SNX25: variants seen among roughly 807,000 people sequenced by gnomAD.
The protein encoded by SNX25 is sorting nexin 25.
In SNX25, 62 loss-of-function variants were observed where a neutral mutation model predicts 113.7. The ratio of observed to expected loss-of-function variants is 0.55; its 90% CI spans 0.44 to 0.67. SNX25 has a LOEUF of 0.67. Among genes scored for constraint, SNX25 ranks in the 30% least tolerant of loss-of-function variants. The pLI, the probability that SNX25 is intolerant of heterozygous loss-of-function variation, is 0.00. For missense variants in SNX25, 1,014 were observed against 1,161.0 expected, an observed-to-expected ratio of 0.87 and a Z score of 1.84; for synonymous variants, 421 against 436.2, an observed-to-expected ratio of 0.97 and a Z score of 0.43.
downstream of SNX25, among the ~76,000 whole-genome samples, chr4:185,371,691 G>A (rs1320133224): frequency 2.6e-5 from 4 of 152,148 alleles, no homozygotes; most frequent in Non-Finnish European, 4.4e-5. Context: ...ATAAGGGAAA[G>A]CGCCGAAGAT....
intron 2 of SNX25, among the ~76,000 whole-genome samples, chr4:185,258,436 A>G (rs1329966110): frequency 5.9e-5 from 9 of 152,218 alleles, no homozygotes. Context: ...GCGGGCAAAG[A>G]AACTGACGGT....
chr4:185,285,478 G>A (rs780040642), intron 5 of SNX25, among the ~76,000 whole-genome samples: 1 of 152,132 alleles, frequency 6.6e-6, no homozygotes, highest in Non-Finnish European at 1.5e-5. Context: ...TTGGGCTTTG[G>A]GTTTTCATTT....
upstream of SNX25, chr4:185,209,184 T>C (rs1293220713): frequency 6.6e-6 from 1 of 152,128 alleles, no homozygotes; most frequent in Non-Finnish European, 1.5e-5. This position sits in a 1 kb window ranked among gnomAD's most constrained non-coding sequence, Gnocchi z 5.2. Flanking sequence ...GGAAGGTCGT[T>C]AGAAACTGTG....
In SNX25 at chr4:185,369,166, T is replaced by G. The variant is rs1279184861; in HGVS notation, c.*1005-584T>G. Among the ~76,000 whole-genome samples the G allele has an allele frequency of 3.3e-5, 5 of 151,632 alleles. No individual in the cohort carries two copies. The South Asian group carries it at 8.3e-4, about 25-fold the overall frequency. On this transcript the variant is annotated intron_variant and NMD_transcript_variant, in intron 11 of 11. Transcript: ENST00000504959. The stretch of plus-strand genomic sequence containing the variant: ...ATATTTGACTAGAGTTTTCTAAGGA[T>G]ATTAAGGATAGGATAGAACCTGAAA...
In SNX25 at chr4:185,334,692, G is replaced by C. The variant is rs182711041; in HGVS notation, c.1914+1933G>C. On this transcript the variant is annotated intron_variant, in intron 10 of 18. Coordinates refer to ENST00000652585, the MANE Select transcript of SNX25 (RefSeq NM_001378034.2). This position sits in a 1 kb window ranked among gnomAD's most constrained non-coding sequence, Gnocchi z 4.2. ...ATATTCATTGAATTATTTTCTGCTT[G>C]GTTTGTTTGAAAGACATTATTCAGC... Among the ~76,000 whole-genome samples, 174 of 152,276 alleles carry C rather than the reference G, an allele frequency of 1.1e-3. No individual in the cohort carries two copies. Among genetic ancestry groups the C allele is most frequent in the African/African-American group, 4.2e-3 (173 of 41,550 alleles).
At chr4:185,256,624 CTTT>C (rs35160292) in intron 2 of SNX25, among the ~76,000 whole-genome samples, 8 of 112,570 alleles carry the variant, frequency 7.1e-5, no homozygotes, top group East Asian at 3.0e-4. Context: ...ACCTAAATTT[CTTT>C]TTTTTTTTTT....
chr4:185,366,653 C>T (rs149159741), downstream of SNX25: 28 of 152,186 alleles, frequency 1.8e-4, no homozygotes, highest in African/African-American at 6.5e-4. Flanking sequence ...CTTTAAATGT[C>T]TTTTACCCTT....
rs181047073 is a variant in SNX25, at chr4:185,342,784, G to A, written c.2187+668G>A. ...ATATACAAGGGAGGCAGTAAGGTGCGGTGCTTGGAGCACAGCCTCTAGAAC... is the reference window on the plus strand; with the variant it reads ...ATATACAAGGGAGGCAGTAAGGTGCAGTGCTTGGAGCACAGCCTCTAGAAC... On this transcript the variant is annotated intron_variant, in intron 12 of 18. Coordinates refer to ENST00000652585, the MANE Select transcript of SNX25 (RefSeq NM_001378034.2). Among the ~76,000 whole-genome samples the A allele has an allele frequency of 1.8e-4, 28 of 152,270 alleles. 1 individual carries two copies. The highest frequency in any genetic ancestry group is 2.0e-4 in the Admixed American group (3 of 15,296).
At chr4:185,351,630 A>G in intron 14 of SNX25, 21 bp downstream of exon 14, 1 of 1,610,648 alleles carries the variant, frequency 6.2e-7, no homozygotes, top group African/African-American at 1.3e-5. Flanking sequence ...GAAAGAGTGA[A>G]CCACTTTTGT....
intron 5 of SNX25, among the ~76,000 whole-genome samples, chr4:185,287,240 C>T (rs562086689): frequency 6.6e-6 from 1 of 152,282 alleles, no homozygotes; most frequent in East Asian, 1.9e-4. Context: ...TTTTTCCTGA[C>T]TTGGAGGTCT....
intron 1 of SNX25, among the ~76,000 whole-genome samples, chr4:185,245,373 G>C (rs1744710304): frequency 6.6e-6 from 1 of 151,218 alleles, no homozygotes; most frequent in Non-Finnish European, 1.5e-5. Flanking sequence ...ACAGAGTCTT[G>C]CTCTCTCAGG....
At chr4:185,218,093 A>G (rs1032069405) in intron 1 of SNX25, among the ~76,000 whole-genome samples, 3 of 151,908 alleles carry the variant, frequency 2.0e-5, no homozygotes, top group Non-Finnish European at 2.9e-5. Flanking sequence ...GTGTGCTTCT[A>G]TAGTTTTTTG....
intron 15 of SNX25, among the ~76,000 whole-genome samples, chr4:185,355,715 T>C (rs1450147129): frequency 3.3e-5 from 5 of 152,252 alleles, no homozygotes; most frequent in East Asian, 1.9e-4. Flanking sequence ...TTAAGACATA[T>C]ACAGTGATGT....
intron 6 of SNX25, among the ~76,000 whole-genome samples, chr4:185,297,341 A>G (rs1752977692): frequency 6.6e-6 from 1 of 152,180 alleles, no homozygotes; most frequent in Non-Finnish European, 1.5e-5. Context: ...GTTGGGTAGC[A>G]CTGCCCTACT....
Position 185,362,686 on chromosome 4 carries a change from C to T in SNX25, c.2909C>T (p.Thr970Ile). 1.9e-6 allele frequency: 3 copies of T among 1,614,062 alleles called. No individual in the cohort carries two copies. The highest frequency in any genetic ancestry group is 2.5e-6 in the Non-Finnish European group (3 of 1,179,974). ...IIKIFNALQE[T>I]RANKHLLYAL... is the part of the protein sequence containing the mutation. Reference sequence around the variant, plus strand: ...AAAATATTCAATGCACTGCAAGAAACAAGAGCCAACAAGCATCTGTTATAT... The same window carrying T: ...AAAATATTCAATGCACTGCAAGAAATAAGAGCCAACAAGCATCTGTTATAT... The change falls in exon 18 of 19, where the codon ACA (threonine) becomes ATA (isoleucine). Residue 970 changes from threonine to isoleucine, a missense_variant. By Grantham distance (89) the Thr-to-Ile change is moderately conservative. Transcript: ENST00000652585.
intron 6 of SNX25, among the ~76,000 whole-genome samples, chr4:185,293,460 G>A (rs896821017): frequency 1.3e-5 from 2 of 152,138 alleles, no homozygotes; most frequent in African/African-American, 2.4e-5. Context: ...AATAAACCTT[G>A]AAAACCATAT....
chr4:185,338,263 C>G (rs2095241928), intron 10 of SNX25, among the ~76,000 whole-genome samples: 1 of 150,112 alleles, frequency 6.7e-6, no homozygotes, highest in African/African-American at 2.5e-5. Flanking sequence ...GAAACTTTCC[C>G]TCTATATTCT....
chr4:185,351,882 G>GA lies in SNX25; in HGVS notation c.2466+274dup, dbSNP rs562786790. 4.8e-3 allele frequency among the ~76,000 whole-genome samples: 731 copies of GA among 151,924 alleles called. 12 individuals carry two copies. Among genetic ancestry groups the GA allele is most frequent in the Admixed American group, 0.029 (438 of 15,252 alleles). On this transcript the variant is annotated intron_variant, in intron 14 of 18. Transcript: ENST00000652585. ...CGGGGCGCCAGTCCCCAGGTCGGGG[G>GA]AGGCCAAGTGCGGGCCGTCATTGCG...
chr4:185,333,457 T>G (rs1323353547), intron 10 of SNX25, among the ~76,000 whole-genome samples: 1 of 152,246 alleles, frequency 6.6e-6, no homozygotes, highest in Non-Finnish European at 1.5e-5. Flanking sequence ...TGCCCAATCC[T>G]ATTGAGTCTT....
Sources: allele counts gnomAD v4.1 joint callset (sites outside exome capture counted in the v4.1 genomes callset), GRCh38; gene constraint gnomAD v4.1.1; non-coding constraint Gnocchi (gnomAD v3.1); transcripts MANE v1.5; gene names NCBI Gene and HGNC (gene_info 2026-07-23, HGNC 2026-07-21).